The following IGDCC3 variants were observed in gnomAD, a reference collection of about 807,000 sequenced individuals.
The protein encoded by IGDCC3 is immunoglobulin superfamily DCC subclass member 3, also known as putative neuronal cell adhesion molecule.
In IGDCC3, 47 loss-of-function variants were observed where a neutral mutation model predicts 72.0. That is an observed-to-expected ratio of 0.65 (90% CI 0.52 to 0.83). IGDCC3 has a LOEUF of 0.83. IGDCC3 is among the 40% of genes least tolerant of loss of function. The pLI is 0.00. For synonymous variants in IGDCC3, 477 were observed against 472.8 expected, an observed-to-expected ratio of 1.01 and a Z score of -0.11; for missense variants, 1,038 against 1,091.3, an observed-to-expected ratio of 0.95 and a Z score of 0.69.
At chr15:65,367,039 T>C (rs921417335) in intron 2 of IGDCC3, among the ~76,000 whole-genome samples, 3 of 152,086 alleles carry the variant, frequency 2.0e-5, no homozygotes, top group African/African-American at 7.2e-5. Context: ...CAGCCACCCA[T>C]TGAATAAGAA....
chr15:65,374,436 G>A (rs1212788142), intron 2 of IGDCC3, among the ~76,000 whole-genome samples: 1 of 152,124 alleles, frequency 6.6e-6, no homozygotes, highest in African/African-American at 2.4e-5. Context: ...CACAATTGAC[G>A]ATCAAGCAGC....
chr15:65,334,203 G>A (rs910135645), intron 5 of IGDCC3, among the ~76,000 whole-genome samples: 3 of 152,030 alleles, frequency 2.0e-5, no homozygotes, highest in Admixed American at 2.0e-4. Context: ...TTTCTGCTCA[G>A]ACAATGTGGG....
At position 65,331,444 on chromosome 15, in the gene IGDCC3, A is replaced by G; in HGVS notation, c.1364T>C (p.Ile455Thr). The part of the protein sequence containing the change: ...SEPLANTKEI[I>T]GYVLHIRKAA... Reference sequence around the variant, plus strand: ...CTTCCTGATGTGCAGGACGTAGCCGATGATCTCCTTGGTGTTGGCCAGCGG... The same window carrying G: ...CTTCCTGATGTGCAGGACGTAGCCGGTGATCTCCTTGGTGTTGGCCAGCGG... Residue 455 changes from isoleucine to threonine, a missense_variant, in exon 8 of 14, where the codon ATC becomes ACC. Ile to Thr is a moderately conservative substitution (Grantham distance 89, BLOSUM62 -1). Coordinates refer to ENST00000327987, the MANE Select transcript of IGDCC3 (RefSeq NM_004884.4). 6.2e-7 allele frequency: 1 copy of G among 1,611,544 alleles called. No individual in the cohort carries two copies. The highest frequency in any genetic ancestry group is 8.5e-7 in the Non-Finnish European group (1 of 1,178,544).
rs2091191525 is a variant in IGDCC3, at chr15:65,353,838, A to G, written c.410-17882T>C. On this transcript the variant is annotated intron_variant, in intron 2 of 13. Coordinates refer to ENST00000327987, the MANE Select transcript of IGDCC3 (RefSeq NM_004884.4). ...CCCTTGTTTAGCATATCATCAAGAA[A>G]TAACCATAAAAATGGGCAACCAGTA... is the stretch of plus-strand genomic sequence containing the variant. Among the ~76,000 whole-genome samples the G allele has an allele frequency of 3.3e-5, 5 of 152,304 alleles. No homozygotes were observed. The South Asian group carries it at 1.0e-3, about 32-fold the overall frequency.
intron 2 of IGDCC3, among the ~76,000 whole-genome samples, chr15:65,341,734 T>C (rs2091083065): frequency 6.6e-6 from 1 of 152,210 alleles, no homozygotes; most frequent in African/African-American, 2.4e-5. Flanking sequence ...AACCATCCCA[T>C]GTCTGTGCTG....
chr15:65,365,890 T>C (rs2091286053), intron 2 of IGDCC3, among the ~76,000 whole-genome samples: 1 of 152,062 alleles, frequency 6.6e-6, no homozygotes, highest in East Asian at 1.9e-4. Flanking sequence ...GGCAACATAG[T>C]GAGACCCTCA....
intron 2 of IGDCC3, among the ~76,000 whole-genome samples, chr15:65,366,059 T>C (rs2091286664): frequency 6.6e-6 from 1 of 151,888 alleles, no homozygotes; most frequent in African/African-American, 2.4e-5. Context: ...AATACAAAAA[T>C]TGGCTGGGCG....
rs763000001 is a variant in IGDCC3 at position 65,375,267 on chromosome 15, A to C, written c.239T>G (p.Val80Gly). ...GGAGTGGGTACTCTCTGGCAGCTCT[A>C]CCCCATTCTTCCTCCAGGTGATTCG... is the stretch of plus-strand genomic sequence containing the variant. ...PVRITWRKNG[V>G]ELPESTHSTL... The change falls in exon 2 of 14, where the codon GTA (valine) becomes GGA (glycine). Residue 80 changes from valine (V) to glycine (G), a missense_variant. By Grantham distance (109) the Val-to-Gly change is moderately radical. Coordinates refer to ENST00000327987, the MANE Select transcript of IGDCC3 (RefSeq NM_004884.4). 6.2e-7 allele frequency: 1 copy of C among 1,614,022 alleles called. No homozygotes were observed. Among genetic ancestry groups the C allele is most frequent in the Admixed American group, 1.7e-5 (1 of 60,000 alleles).
intron 5 of IGDCC3, among the ~76,000 whole-genome samples, chr15:65,333,801 G>A (rs2091000739): frequency 6.6e-6 from 1 of 152,196 alleles, no homozygotes; most frequent in South Asian, 2.1e-4. Context: ...CAGTGCCCCT[G>A]TGACCTGGTT....
intron 2 of IGDCC3, among the ~76,000 whole-genome samples, chr15:65,368,569 C>A (rs1005025778): frequency 1.3e-5 from 2 of 152,068 alleles, no homozygotes; most frequent in African/African-American, 2.4e-5. Flanking sequence ...GGGCCCTCCC[C>A]CTACAGTTGG....
chr15:65,353,739 C>T (rs1045666427), intron 2 of IGDCC3, among the ~76,000 whole-genome samples: 1 of 152,190 alleles, frequency 6.6e-6, no homozygotes, highest in Admixed American at 6.5e-5. Flanking sequence ...AGCACCATGA[C>T]AGTTTACAAA....
chr15:65,329,155 A>C lies in IGDCC3; in HGVS notation c.2206-7T>G. 2 of 1,600,740 alleles carry C rather than the reference A, an allele frequency of 1.2e-6. No individual in the cohort carries two copies. The highest frequency in any genetic ancestry group is 2.7e-5 in the African/African-American group (2 of 74,622). On this transcript the variant is annotated splice_polypyrimidine_tract_variant and splice_region_variant and intron_variant, in intron 13 of 13. Coordinates refer to ENST00000327987, the MANE Select transcript of IGDCC3 (RefSeq NM_004884.4). This position sits in a 1 kb window ranked among gnomAD's most constrained non-coding sequence, Gnocchi z 4.1. The stretch of plus-strand genomic sequence containing the variant: ...CGGGGGCTGCAGGATCCTGCTGGGG[A>C]AAGAGCCCGTCACACAGGCGTCAGC...
At position 65,330,602 on chromosome 15, in the gene IGDCC3, G is replaced by C; in HGVS notation, c.1701C>G (p.Thr567=). 2 of 1,613,752 alleles carry C rather than the reference G, an allele frequency of 1.2e-6. No individual in the cohort carries two copies. Among genetic ancestry groups the C allele is most frequent in the Non-Finnish European group, 1.7e-6 (2 of 1,180,006 alleles). ...CGGTTCCAGGCAGCAGGATGGGGCCGGTGAAGGAGGTCTTGCTTGCTGGGC... is the reference window on the plus strand; with the variant it reads ...CGGTTCCAGGCAGCAGGATGGGGCCCGTGAAGGAGGTCTTGCTTGCTGGGC... The part of the protein sequence containing the change: ...FYRPASKTSF[T]GPILLPGTVS... The change falls in exon 10 of 14, where the codon ACC becomes ACG. Residue 567 remains threonine, a synonymous_variant. Transcript: ENST00000327987.
Position 65,336,024 on chromosome 15 carries a change from A to G in IGDCC3, c.410-68T>C, listed in dbSNP as rs146595855. ...CAGAAGGTAGGAGAGAATGGGCTGC[A>G]GTGGCGTCACAGGCACGGAGACCTG... On this transcript the variant is annotated intron_variant, in intron 2 of 13. Transcript: ENST00000327987. 9.9e-4 allele frequency: 1,526 copies of G among 1,539,028 alleles called. 22 individuals carry two copies. In the African/African-American group the frequency reaches 0.019, roughly 19 times the overall value.
rs770711999 is a variant in IGDCC3, at chr15:65,331,572, A to C, written c.1236T>G (p.Ser412Arg). The C allele has an allele frequency of 6.2e-7, 1 of 1,613,590 alleles. No homozygotes were observed. Among genetic ancestry groups the C allele is most frequent in the African/African-American group, 1.3e-5 (1 of 74,910 alleles). ...CAGCCCACAGTACGGTCAGCCTGGC[A>C]CTGGCCTGTGATGAGCCCGCACTGT... ...AENSAGSSQA[S>R]ARLTVLWAEG... The change falls in exon 8 of 14, where the codon AGT becomes AGG. Residue 412 changes from serine to arginine, a missense_variant. Transcript: ENST00000327987.
In IGDCC3 at chr15:65,330,519, C is replaced by A. The variant is rs376045327; in HGVS notation, c.1753+31G>T. ...GCCCTCAGCGCCGCACTCTGCCAAG[C>A]CCCCTAGGCTCTGGGCTGTGTCTGC... On this transcript the variant is annotated intron_variant, in intron 10 of 13. Transcript: ENST00000327987. 4 of 1,603,410 alleles carry A rather than the reference C, an allele frequency of 2.5e-6. No individual in the cohort carries two copies. The African/African-American group carries it at 5.4e-5, about 21-fold the overall frequency.
chr15:65,371,452 A>G (rs1160811477), intron 2 of IGDCC3, among the ~76,000 whole-genome samples: 1 of 152,188 alleles, frequency 6.6e-6, no homozygotes, highest in Non-Finnish European at 1.5e-5. Context: ...AAATCCCCAC[A>G]GCGGAGGTTA....
At chr15:65,345,235 G>A (rs935934566) in intron 2 of IGDCC3, among the ~76,000 whole-genome samples, 5 of 152,130 alleles carry the variant, frequency 3.3e-5, no homozygotes, top group African/African-American at 1.2e-4. Flanking sequence ...GTCCTTAGAT[G>A]TGCACACCCA....
chr15:65,335,181 G>T, intron 4 of IGDCC3, 110 bp downstream of exon 4: 1 of 1,202,680 alleles, frequency 8.3e-7, no homozygotes, highest in Non-Finnish European at 1.2e-6. Context: ...CACTCTGCAC[G>T]CACGTGGCTG....
Sources: gnomAD v4.1 joint callset for allele counts (sites outside exome capture counted in the v4.1 genomes callset) on GRCh38, gnomAD v4.1.1 for gene constraint, Gnocchi (gnomAD v3.1) non-coding constraint, MANE v1.5 for transcripts, NCBI Gene and HGNC (gene_info 2026-07-23, HGNC 2026-07-21) for gene names.